ITPRID1: variants seen among roughly 807,000 people sequenced by gnomAD.
ITPRID1 encodes the protein protein ITPRID1.
A neutral mutation model predicts 95.4 loss-of-function variants in ITPRID1; 96 were observed. The observed-to-expected ratio is 1.01, with a 90% confidence interval of 0.85 to 1.19. ITPRID1 has a LOEUF of 1.19. Among genes scored for constraint, ITPRID1 ranks in the 50% most tolerant of loss-of-function variants. The probability of loss-of-function intolerance (pLI) is 0.00; values close to 1 mark genes in which losing one functional copy is unlikely to be tolerated. For synonymous variants in ITPRID1, 510 were observed against 453.6 expected (o/e 1.12, Z -1.58); for missense variants, 1,339 against 1,252.9 (o/e 1.07, Z -1.04).
intron 10 of ITPRID1, among the ~76,000 whole-genome samples, chr7:31,619,037 T>C (rs1025105915): frequency 6.6e-6 from 1 of 152,220 alleles, no homozygotes; most frequent in African/African-American, 2.4e-5. Context: ...CTCTCTGCTC[T>C]CTTCCCTGAT....
chr7:31,552,386 C>T (rs1583488287), intron 2 of ITPRID1, among the ~76,000 whole-genome samples: 4 of 152,216 alleles, frequency 2.6e-5, no homozygotes, highest in African/African-American at 9.6e-5. Context: ...TATATTACTT[C>T]CTTCATTGAC....
At chr7:31,617,864 GTTACTT>G (rs1365326637) in intron 10 of ITPRID1, among the ~76,000 whole-genome samples, 2 of 152,196 alleles carry the variant, frequency 1.3e-5, no homozygotes, top group Non-Finnish European at 2.9e-5. Context: ...TAAGAAGAGA[GTTACTT>G]TTATTTACTT....
chr7:31,549,458 C>T lies in ITPRID1; in HGVS notation c.-65C>T. 1 of 1,518,824 alleles carries T rather than the reference C, an allele frequency of 6.6e-7. No homozygotes were observed. The highest frequency in any genetic ancestry group is 8.8e-7 in the Non-Finnish European group (1 of 1,139,862). 94.1% of individuals were successfully genotyped at this position (1,518,824 alleles called of 1,614,324 possible). A position where few individuals can be genotyped will look rare whatever the true frequency, so the allele number is the denominator to read the frequency against. On this transcript the variant is annotated 5_prime_UTR_variant, in exon 2 of 15. Transcript: ENST00000615280. Reference sequence around the variant, plus strand: ...CAGGATAAGGACAAGAAGCAACACACAGAAGAGAAGGAAAAAGAAAGAAAA... The same window carrying T: ...CAGGATAAGGACAAGAAGCAACACATAGAAGAGAAGGAAAAAGAAAGAAAA...
chr7:31,590,975 G>T (rs77333095), intron 10 of ITPRID1, among the ~76,000 whole-genome samples: 12,540 of 152,260 alleles, frequency 0.082, 642 homozygotes, highest in Middle Eastern at 0.13. Context: ...TTCAAATTCA[G>T]CCTGTCTAGC....
At chr7:31,592,324 G>A (rs1289693227) in intron 10 of ITPRID1, among the ~76,000 whole-genome samples, 1 of 152,124 alleles carries the variant, frequency 6.6e-6, no homozygotes, top group Non-Finnish European at 1.5e-5. Flanking sequence ...CTATGCTTCT[G>A]TGTCCTCATC....
At position 31,643,693 on chromosome 7, in the gene ITPRID1, G is replaced by A. The variant is rs770360274; in HGVS notation, c.2323G>A (p.Gly775Arg). 3 of 1,613,902 alleles carry A rather than the reference G, an allele frequency of 1.9e-6. No individual in the cohort carries two copies. The highest frequency in any genetic ancestry group is 1.7e-6 in the Non-Finnish European group (2 of 1,179,916). Residue 775 changes from glycine (G) to arginine (R), a missense_variant, in exon 12 of 15, where the codon GGG becomes AGG. Gly to Arg is a moderately radical substitution (Grantham distance 125). Coordinates refer to ENST00000615280, the MANE Select transcript of ITPRID1 (RefSeq NM_001257967.3). ...TCTAAGCAACAAGACCTTGACACAT[G>A]GGCCCCAGCCCCTCACCAAATCCGT... ...SALSNKTLTHGPQPLTKSVSL... is the reference protein window; with the variant it reads ...SALSNKTLTHRPQPLTKSVSL...
At chr7:31,610,032 C>T (rs1460251914) in intron 10 of ITPRID1, among the ~76,000 whole-genome samples, 1 of 151,428 alleles carries the variant, frequency 6.6e-6, no homozygotes, top group Non-Finnish European at 1.5e-5. Context: ...TCTTATTTGA[C>T]CCATTACTTA....
rs557659647 is a variant in ITPRID1 at position 31,554,008 on chromosome 7, C to T, written c.164-467C>T. 4.6e-5 allele frequency among the ~76,000 whole-genome samples: 7 copies of T among 152,236 alleles called. No homozygotes were observed. In the East Asian group the frequency reaches 1.2e-3, roughly 25 times the overall value. On this transcript the variant is annotated intron_variant, in intron 3 of 14. Transcript: ENST00000615280. ...GTGCAATTTGTCCCTGGAATGAATGCAAATTTGGTTTCTAACCTGGCAGAG... is the reference window on the plus strand; with the variant it reads ...GTGCAATTTGTCCCTGGAATGAATGTAAATTTGGTTTCTAACCTGGCAGAG...
intron 9 of ITPRID1, among the ~76,000 whole-genome samples, chr7:31,580,068 G>A (rs1233030875): frequency 6.6e-6 from 1 of 152,022 alleles, no homozygotes; most frequent in Non-Finnish European, 1.5e-5. Flanking sequence ...GGATGCTGAG[G>A]CAGCGGATCA....
intron 10 of ITPRID1, among the ~76,000 whole-genome samples, chr7:31,599,645 CTTT>C (rs545360650): frequency 2.2e-5 from 1 of 44,786 alleles, no homozygotes; most frequent in African/African-American, 6.7e-5. Context: ...TTCTTTCTTT[CTTT>C]TTCTTTCTTT....
intron 1 of ITPRID1, among the ~76,000 whole-genome samples, chr7:31,528,756 C>A (rs774245510): frequency 6.6e-6 from 1 of 152,082 alleles, no homozygotes; most frequent in Non-Finnish European, 1.5e-5. Flanking sequence ...CCCCTCTTTC[C>A]CCTCCTCTTT....
intron 1 of ITPRID1, among the ~76,000 whole-genome samples, chr7:31,516,878 G>A (rs1423379806): frequency 2.0e-5 from 3 of 152,142 alleles, no homozygotes; most frequent in African/African-American, 7.2e-5. Flanking sequence ...CGTGTTAAGT[G>A]TCACAGTTCT....
At chr7:31,589,214 G>A (rs1449544184) in intron 10 of ITPRID1, among the ~76,000 whole-genome samples, 2 of 151,936 alleles carry the variant, frequency 1.3e-5, no homozygotes, top group African/African-American at 4.8e-5. Context: ...CATTACATCA[G>A]AAACAATGAA....
At chr7:31,616,507 T>C (rs2128169003) in intron 10 of ITPRID1, among the ~76,000 whole-genome samples, 1 of 152,024 alleles carries the variant, frequency 6.6e-6, no homozygotes, top group East Asian at 1.9e-4. Flanking sequence ...AGTATGGGGG[T>C]GGGACCCTGA....
intron 10 of ITPRID1, among the ~76,000 whole-genome samples, chr7:31,594,359 A>G (rs1250931112): frequency 1.3e-5 from 2 of 152,202 alleles, no homozygotes; most frequent in Admixed American, 6.5e-5. Context: ...TAATATTTCT[A>G]CTGGGGGAAA....
intron 5 of ITPRID1, among the ~76,000 whole-genome samples, chr7:31,562,331 C>T (rs117487032): frequency 0.013 from 1,988 of 152,248 alleles, 31 homozygotes; most frequent in South Asian, 0.022. Flanking sequence ...GTAACTCCTA[C>T]AGCAAAAAGA....
At chr7:31,646,901 A>C (rs1790514607) in intron 12 of ITPRID1, among the ~76,000 whole-genome samples, 1 of 152,208 alleles carries the variant, frequency 6.6e-6, no homozygotes, top group Admixed American at 6.5e-5. Flanking sequence ...TTTTATATCC[A>C]GTTGATTTGA....
chr7:31,521,854 T>C (rs1027068439), intron 1 of ITPRID1, among the ~76,000 whole-genome samples: 2 of 151,272 alleles, frequency 1.3e-5, no homozygotes, highest in South Asian at 4.2e-4. Flanking sequence ...CCCCACCACT[T>C]ACCCGAGTAG....
chr7:31,584,238 G>A (rs963829569), intron 10 of ITPRID1, among the ~76,000 whole-genome samples: 3 of 152,140 alleles, frequency 2.0e-5, no homozygotes, highest in African/African-American at 7.2e-5. Flanking sequence ...TTAGTGCTGT[G>A]TCAAACACAT....
Sources: gnomAD v4.1 joint callset for allele counts (sites outside exome capture counted in the v4.1 genomes callset) on GRCh38, gnomAD v4.1.1 for gene constraint, MANE v1.5 for transcripts, NCBI Gene and HGNC (gene_info 2026-07-23, HGNC 2026-07-21) for gene names.